RPS6KA2: variants seen among roughly 807,000 people sequenced by gnomAD.
RPS6KA2 encodes the protein ribosomal protein S6 kinase alpha-2.
Under a neutral mutation model 91.8 loss-of-function variants are expected in RPS6KA2, and 42 were observed. The ratio of observed to expected loss-of-function variants is 0.46; its 90% confidence interval spans 0.36 to 0.59. RPS6KA2 has a LOEUF of 0.59. Among genes scored for constraint, RPS6KA2 ranks in the 20% least tolerant of loss-of-function variants. The pLI is 0.00. For missense variants in RPS6KA2, 798 were observed against 978.5 expected (o/e 0.82, Z 2.46); for synonymous variants, 414 against 393.6 (o/e 1.05, Z -0.61).
At chr6:166,819,411 T>A (rs987730868) in intron 2 of RPS6KA2, among the ~76,000 whole-genome samples, 2 of 152,146 alleles carry the variant, frequency 1.3e-5, no homozygotes, top group Non-Finnish European at 2.9e-5. Context: ...TGCAACCCCA[T>A]ATACCCATAT....
chr6:166,793,605 A>G (rs1342613114), intron 2 of RPS6KA2, among the ~76,000 whole-genome samples: 4 of 151,532 alleles, frequency 2.6e-5, no homozygotes, highest in Admixed American at 2.6e-4. Flanking sequence ...TTCAAACTAT[A>G]CTACAAGGCT....
At chr6:166,649,455 C>T (rs920104252) in intron 2 of RPS6KA2, among the ~76,000 whole-genome samples, 1 of 152,152 alleles carries the variant, frequency 6.6e-6, no homozygotes, top group Non-Finnish European at 1.5e-5. Context: ...TGCTATGTAT[C>T]GTAATTCCCA....
At chr6:166,599,978 AT>A (rs1785672426) in intron 1 of RPS6KA2, among the ~76,000 whole-genome samples, 1 of 152,058 alleles carries the variant, frequency 6.6e-6, no homozygotes, top group Admixed American at 6.5e-5. Context: ...CCTCCTCCGT[AT>A]ATGGGTGAGG....
At chr6:166,469,475 C>T (rs1780674115) in intron 11 of RPS6KA2, among the ~76,000 whole-genome samples, 1 of 152,068 alleles carries the variant, frequency 6.6e-6, no homozygotes, top group Non-Finnish European at 1.5e-5. Flanking sequence ...TCTGTTCAGC[C>T]CTTGAGGTTA....
chr6:166,805,968 G>A (rs372495605), intron 2 of RPS6KA2, among the ~76,000 whole-genome samples: 11 of 152,210 alleles, frequency 7.2e-5, no homozygotes, highest in South Asian at 2.1e-4. Flanking sequence ...AGTACAATAC[G>A]TTAAATTTTA....
rs1326279163 is a variant in RPS6KA2, at chr6:166,665,142, G to A, written c.124-126358C>T. Among the ~76,000 whole-genome samples, 6 of 151,908 alleles carry A rather than the reference G, an allele frequency of 3.9e-5. No homozygotes were observed. The highest frequency in any genetic ancestry group is 1.4e-4 in the African/African-American group (6 of 41,396). On this transcript the variant is annotated intron_variant, in intron 2 of 21. Coordinates refer to the RPS6KA2 transcript ENST00000503859. The surrounding 1 kb of genome is among the most constrained non-coding windows in gnomAD (Gnocchi z 4.5). ...CCTTCAGTCTCATAGCTGTCAGGGT[G>A]TTCAAGTTCTGCCTTCCATACAGAA...
chr6:166,702,567 G>T, intron 2 of RPS6KA2: 1 of 1,433,948 alleles, frequency 7.0e-7, no homozygotes, highest in South Asian at 1.1e-5. Context: ...CCCACTGTAA[G>T]TGAGGAGGGA....
At chr6:166,831,613 T>C (rs935852833) in intron 2 of RPS6KA2, among the ~76,000 whole-genome samples, 1 of 151,724 alleles carries the variant, frequency 6.6e-6, no homozygotes, top group East Asian at 1.9e-4. Context: ...TCTATTTCCA[T>C]GCCGCATTTG....
intron 2 of RPS6KA2, among the ~76,000 whole-genome samples, chr6:166,744,633 G>A (rs1022284937): frequency 2.6e-5 from 4 of 152,226 alleles, no homozygotes; most frequent in African/African-American, 7.2e-5. Flanking sequence ...AGACACCCCC[G>A]AGGGTCCTCC....
At chr6:166,575,001 A>G (rs1784797224) in intron 1 of RPS6KA2, among the ~76,000 whole-genome samples, 1 of 152,212 alleles carries the variant, frequency 6.6e-6, no homozygotes, top group Non-Finnish European at 1.5e-5. Context: ...AGATGGAACA[A>G]ATAATTTAAA....
intron 2 of RPS6KA2, among the ~76,000 whole-genome samples, chr6:166,832,926 A>G (rs76461684): frequency 0.023 from 3,579 of 152,354 alleles, 169 homozygotes; most frequent in African/African-American, 0.082. Flanking sequence ...AAAATGTCTC[A>G]TTGCAAATAG....
rs186206754 is a variant in RPS6KA2, at chr6:166,788,141, A to T, written c.123+70059T>A. On this transcript the variant is annotated intron_variant, in intron 2 of 21. Transcript: ENST00000503859. ...CAAATCAAAACCACAATGAGATACC[A>T]TCTCACACTAGTCAGAATGGCAATC... Among the ~76,000 whole-genome samples the T allele has an allele frequency of 1.1e-3, 162 of 152,338 alleles. 1 individual carries two copies. The highest frequency in any genetic ancestry group is 3.7e-3 in the African/African-American group (152 of 41,578).
chr6:166,482,407 C>T (rs190636749), intron 10 of RPS6KA2, among the ~76,000 whole-genome samples: 95 of 152,316 alleles, frequency 6.2e-4, no homozygotes, highest in African/African-American at 1.9e-3. Context: ...GAGATGCCAC[C>T]CTTTCCTTTC....
chr6:166,828,194 C>T (rs1780094509), intron 2 of RPS6KA2, among the ~76,000 whole-genome samples: 1 of 152,206 alleles, frequency 6.6e-6, no homozygotes, highest in South Asian at 2.1e-4. Context: ...AGTGCTGTGG[C>T]CTCAGGGAGT....
chr6:166,806,588 G>T (rs1036971255), intron 2 of RPS6KA2, among the ~76,000 whole-genome samples: 4 of 152,120 alleles, frequency 2.6e-5, no homozygotes, highest in Non-Finnish European at 5.9e-5. Context: ...ACAAATGCAG[G>T]GGGAGTTTGT....
At chr6:166,562,995 C>T (rs952248580) in intron 1 of RPS6KA2, among the ~76,000 whole-genome samples, 2 of 152,168 alleles carry the variant, frequency 1.3e-5, no homozygotes, top group Admixed American at 6.5e-5. Context: ...CGAGCCAGAC[C>T]GAGGAACAGC....
At chr6:166,604,946 C>T (rs951544023) in intron 1 of RPS6KA2, among the ~76,000 whole-genome samples, 4 of 152,028 alleles carry the variant, frequency 2.6e-5, no homozygotes, top group Non-Finnish European at 5.9e-5. Flanking sequence ...ATTATATTAT[C>T]GGGATTGATA....
chr6:166,626,806 T>G lies in RPS6KA2; in HGVS notation c.99+115A>C. On this transcript the variant is annotated intron_variant, in intron 1 of 20. Transcript: ENST00000265678. This position sits in a 1 kb window ranked among gnomAD's most constrained non-coding sequence, Gnocchi z 4.1. ...TTTCGGAACCGGACCAGCTTTCCAG[T>G]AACTTGAACTCCCTGACGGGTCTCG... is the stretch of plus-strand genomic sequence containing the variant. The G allele has an allele frequency of 1.2e-6, 1 of 829,326 alleles. No individual in the cohort carries two copies. 51.4% of individuals were successfully genotyped at this position (829,326 alleles called of 1,614,324 possible).
At chr6:166,499,546 A>G (rs1781942341) in intron 7 of RPS6KA2, among the ~76,000 whole-genome samples, 1 of 152,198 alleles carries the variant, frequency 6.6e-6, no homozygotes, top group African/African-American at 2.4e-5. Flanking sequence ...GTGACAGTGA[A>G]TAAGACTCAC....
Sources: allele counts gnomAD v4.1 joint callset (sites outside exome capture counted in the v4.1 genomes callset), GRCh38; gene constraint gnomAD v4.1.1; non-coding constraint Gnocchi (gnomAD v3.1); transcripts MANE v1.5; gene names NCBI Gene and HGNC (gene_info 2026-07-23, HGNC 2026-07-21).